Variants in KANSL1L observed in about 807,000 individuals in gnomAD.
KANSL1L encodes the protein KAT8 regulatory NSL complex subunit 1-like protein.
A neutral mutation model predicts 108.6 loss-of-function variants in KANSL1L; 25 were observed. That is an observed-to-expected ratio of 0.23 (90% CI 0.17 to 0.32). The LOEUF is 0.32. KANSL1L is among the 10% of genes least tolerant of loss of function. The pLI is 1.00. For missense variants in KANSL1L, 1,137 were observed against 1,125.7 expected, an observed-to-expected ratio of 1.01 and a Z score of -0.14; for synonymous variants, 405 against 395.1, an observed-to-expected ratio of 1.03 and a Z score of -0.30.
chr2:210,023,315 A>AACTT (rs1461763363), intron 14 of KANSL1L, 136 bp from the exon 15 acceptor site: 3 of 649,456 alleles, frequency 4.6e-6, no homozygotes. Flanking sequence ...TTTTCATTTC[A>AACTT]ACTTAAATAG....
chr2:210,145,993 G>T (rs1288137887), intron 2 of KANSL1L, among the ~76,000 whole-genome samples: 1 of 152,140 alleles, frequency 6.6e-6, no homozygotes, highest in African/African-American at 2.4e-5. Context: ...CTTCTTGGTG[G>T]TGGTGGTGGG....
chr2:210,057,167 C>T (rs1389561715), intron 6 of KANSL1L, among the ~76,000 whole-genome samples: 1 of 152,020 alleles, frequency 6.6e-6, no homozygotes, highest in Non-Finnish European at 1.5e-5. Flanking sequence ...TTTGTGAGGC[C>T]AAGGTGGGCA....
At chr2:210,124,833 T>A (rs2095051878) in intron 3 of KANSL1L, among the ~76,000 whole-genome samples, 1 of 152,018 alleles carries the variant, frequency 6.6e-6, no homozygotes. Context: ...TTGCTGAATC[T>A]AAAGAAATAA....
intron 1 of KANSL1L, among the ~76,000 whole-genome samples, chr2:210,162,333 G>C (rs2095366628): frequency 6.6e-6 from 1 of 150,480 alleles, no homozygotes; most frequent in African/African-American, 2.4e-5. Flanking sequence ...TTAAGGGAAA[G>C]GAAGGAATCA....
At chr2:210,046,147 C>G (rs1209457130) in intron 6 of KANSL1L, among the ~76,000 whole-genome samples, 1 of 152,120 alleles carries the variant, frequency 6.6e-6, no homozygotes, top group Non-Finnish European at 1.5e-5. Flanking sequence ...ACCTCATGAC[C>G]TATTAACTTC....
At chr2:210,170,270 G>A in intron 1 of KANSL1L, 2 of 702,500 alleles carry the variant, frequency 2.8e-6, no homozygotes, top group South Asian at 1.3e-4. Flanking sequence ...AAGGAAGTTT[G>A]TCTCCTAAAC....
At chr2:210,126,118 C>T (rs1428057573) in intron 3 of KANSL1L, among the ~76,000 whole-genome samples, 1 of 152,116 alleles carries the variant, frequency 6.6e-6, no homozygotes, top group Non-Finnish European at 1.5e-5. Context: ...ATAAATTCAG[C>T]AGAGTAGCAA....
chr2:210,108,619 T>C (rs923032984), intron 3 of KANSL1L, among the ~76,000 whole-genome samples: 5 of 152,046 alleles, frequency 3.3e-5, no homozygotes, highest in African/African-American at 4.8e-5. Flanking sequence ...CTATTTGCTA[T>C]AAAAAACGTG....
In KANSL1L at chr2:210,023,075, A is replaced by G. The variant is rs1164597588; in HGVS notation, c.2838T>C (p.Ala946=). The G allele has an allele frequency of 1.2e-6, 2 of 1,613,922 alleles. No individual in the cohort carries two copies. The highest frequency in any genetic ancestry group is 1.3e-5 in the African/African-American group (1 of 74,892). Reference sequence around the variant, plus strand: ...TGGTACCGAAGATTTCACCATGGAAAGCTGTGCTTGACCTTTCAACCTGAT... The same window carrying G: ...TGGTACCGAAGATTTCACCATGGAAGGCTGTGCTTGACCTTTCAACCTGAT... ...KKDQVERSST[A]FHGEIFGTSV... is the part of the protein sequence containing the mutation. Residue 946 remains alanine (A), a synonymous_variant, in exon 15 of 15, where the codon GCT becomes GCC. Transcript: ENST00000281772.
At chr2:210,050,496 A>T (rs1174386727) in intron 6 of KANSL1L, among the ~76,000 whole-genome samples, 1 of 152,096 alleles carries the variant, frequency 6.6e-6, no homozygotes, top group Non-Finnish European at 1.5e-5. Context: ...TAGTCGTTAG[A>T]TTGCTGAAGC....
At chr2:210,096,533 T>C in intron 5 of KANSL1L, 2 of 981,086 alleles carry the variant, frequency 2.0e-6, no homozygotes, top group Non-Finnish European at 2.4e-6. Flanking sequence ...CACATGTAAC[T>C]ATGTGTGTAA....
At chr2:210,127,937 AAAAATGGGC>A (rs2095084191) in intron 3 of KANSL1L, among the ~76,000 whole-genome samples, 1 of 152,054 alleles carries the variant, frequency 6.6e-6, no homozygotes, top group African/African-American at 2.4e-5. Context: ...AACCCAATTC[AAAAATGGGC>A]AAAGGACTTG....
chr2:210,078,853 A>T (rs904409050), intron 5 of KANSL1L, among the ~76,000 whole-genome samples: 1 of 152,222 alleles, frequency 6.6e-6, no homozygotes, highest in Admixed American at 6.5e-5. Flanking sequence ...GAACCTAATG[A>T]TATCTGTAAG....
At chr2:210,043,681 A>C (rs1260060824) in intron 7 of KANSL1L, 2 of 293,568 alleles carry the variant, frequency 6.8e-6, no homozygotes, top group Admixed American at 5.1e-5. Context: ...TAACAAGATA[A>C]AAACCTAGTA....
intron 1 of KANSL1L, among the ~76,000 whole-genome samples, chr2:210,166,222 TAATTA>T (rs1687952085): frequency 1.3e-5 from 2 of 152,210 alleles, no homozygotes; most frequent in East Asian, 3.9e-4. Flanking sequence ...AATTTAGCAT[TAATTA>T]AATGCAATCT....
At chr2:210,168,373 A>G (rs1688113440) in intron 1 of KANSL1L, among the ~76,000 whole-genome samples, 1 of 152,110 alleles carries the variant, frequency 6.6e-6, no homozygotes, top group Non-Finnish European at 1.5e-5. Context: ...AAACATCATG[A>G]AAACAAGGAT....
intron 6 of KANSL1L, among the ~76,000 whole-genome samples, chr2:210,067,316 G>T (rs1365122317): frequency 1.3e-5 from 2 of 151,926 alleles, no homozygotes; most frequent in South Asian, 2.1e-4. Flanking sequence ...ATATTCTATT[G>T]CTCTCTTTCT....
intron 1 of KANSL1L, among the ~76,000 whole-genome samples, chr2:210,166,090 T>C (rs73984344): frequency 0.013 from 1,917 of 152,274 alleles, 42 homozygotes; most frequent in African/African-American, 0.043. Flanking sequence ...CTGAAACATA[T>C]ACCCCAAAAA....
chr2:210,026,647 T>TAA (rs766854907), intron 12 of KANSL1L, among the ~76,000 whole-genome samples: 19 of 152,212 alleles, frequency 1.2e-4, no homozygotes, highest in Non-Finnish European at 1.9e-4. Context: ...AAATGGCATT[T>TAA]AAACTTAAAT....
Sources: gnomAD v4.1 joint callset for allele counts (sites outside exome capture counted in the v4.1 genomes callset) on GRCh38, gnomAD v4.1.1 for gene constraint, MANE v1.5 for transcripts, NCBI Gene and HGNC (gene_info 2026-07-23, HGNC 2026-07-21) for gene names.